The following CPA6 variants were observed in gnomAD, a reference collection of about 807,000 sequenced individuals.
The protein encoded by CPA6 is carboxypeptidase B.
A neutral mutation model predicts 63.3 loss-of-function variants in CPA6; 58 were observed. The ratio of observed to expected loss-of-function variants is 0.92; its 90% CI spans 0.74 to 1.14. CPA6 has a LOEUF of 1.14. CPA6 is among the 50% of genes most tolerant of loss of function. CPA6 has a pLI of 0.00. For missense variants in CPA6, 565 were observed against 526.6 expected, an observed-to-expected ratio of 1.07 and a Z score of -0.71; for synonymous variants, 185 against 179.0, an observed-to-expected ratio of 1.03 and a Z score of -0.27.
chr8:67,681,200 C>CTTTTTTTTTTTTTTTTTTT lies in CPA6; in HGVS notation c.117-56968_117-56950dup. Among the ~76,000 whole-genome samples the CTTTTTTTTTTTTTTTTTTT allele has an allele frequency of 2.7e-3, 245 of 89,870 alleles. 27 individuals are homozygous for CTTTTTTTTTTTTTTTTTTT. The highest frequency in any genetic ancestry group is 3.2e-3 in the Non-Finnish European group (157 of 48,912). The allele number at this position is 89,870 out of a possible 152,430, so 59.0% of individuals were successfully genotyped here. A position where few individuals can be genotyped will look rare whatever the true frequency, so the allele number is the denominator to read the frequency against. On this transcript the variant is annotated intron_variant, in intron 1 of 10. Transcript: ENST00000297770. ...CTCAACCCAAGGTCACAAAGATTTT[C>CTTTTTTTTTTTTTTTTTTT]TTTTTTTTTTTTTTTTTTTTGAGAC...
chr8:67,529,922 T>C (rs1812443498), intron 2 of CPA6, among the ~76,000 whole-genome samples: 1 of 152,062 alleles, frequency 6.6e-6, no homozygotes, highest in South Asian at 2.1e-4. Context: ...TCACCAGATA[T>C]TCCCTAAAAT....
At chr8:67,570,372 A>C (rs187669941) in intron 2 of CPA6, among the ~76,000 whole-genome samples, 66 of 152,332 alleles carry the variant, frequency 4.3e-4, no homozygotes, top group Non-Finnish European at 8.8e-5. Flanking sequence ...AAACATATGA[A>C]AGCACAAAAC....
At chr8:67,622,499 C>A (rs751102863) in intron 2 of CPA6, among the ~76,000 whole-genome samples, 1 of 152,142 alleles carries the variant, frequency 6.6e-6, no homozygotes, top group Non-Finnish European at 1.5e-5. Context: ...GTTCTTGCAT[C>A]CTCACCCTGG....
chr8:67,573,413 A>G (rs1414756668), intron 2 of CPA6, among the ~76,000 whole-genome samples: 1 of 152,232 alleles, frequency 6.6e-6, no homozygotes, highest in African/African-American at 2.4e-5. Flanking sequence ...TGATATACAA[A>G]TTCAGTAAAG....
At position 67,632,148 on chromosome 8, in the gene CPA6, CTGTGTGTGTGTG is replaced by C. The variant is rs35463897; in HGVS notation, c.117-7909_117-7898del. 6.4e-4 allele frequency among the ~76,000 whole-genome samples: 95 copies of C among 147,782 alleles called. 1 individual carries two copies. The highest frequency in any genetic ancestry group is 3.5e-3 in the Middle Eastern group (1 of 288). On this transcript the variant is annotated intron_variant, in intron 1 of 10. Transcript: ENST00000297770. The stretch of plus-strand genomic sequence containing the variant: ...TTTTGTAAACCTTTAAAAAATGATG[CTGTGTGTGTGTG>C]TGTGTGTGTGTGTGTGTGTGTGTTT...
At chr8:67,458,427 A>T (rs1810727377) in intron 8 of CPA6, among the ~76,000 whole-genome samples, 1 of 152,298 alleles carries the variant, frequency 6.6e-6, no homozygotes, top group Admixed American at 6.5e-5. Context: ...TGAACTCCTC[A>T]GCTCAGGTGA....
intron 1 of CPA6, among the ~76,000 whole-genome samples, chr8:67,636,757 AT>A (rs528851072): frequency 7.3e-5 from 11 of 151,664 alleles, no homozygotes; most frequent in Non-Finnish European, 1.5e-4. Flanking sequence ...CTTAAAAAAA[AT>A]GTCATCCCCG....
chr8:67,582,603 G>A (rs1375974862), intron 2 of CPA6, among the ~76,000 whole-genome samples: 1 of 152,178 alleles, frequency 6.6e-6, no homozygotes, highest in Non-Finnish European at 1.5e-5. Flanking sequence ...CAAGAAGTGA[G>A]CTGAAGTTTC....
At chr8:67,725,095 G>C (rs1217107344) in intron 1 of CPA6, among the ~76,000 whole-genome samples, 2 of 152,214 alleles carry the variant, frequency 1.3e-5, no homozygotes, top group African/African-American at 4.8e-5. Flanking sequence ...ATTTTGTGTA[G>C]AGTGCTTAGC....
At chr8:67,596,385 C>T (rs1411571127) in intron 2 of CPA6, among the ~76,000 whole-genome samples, 2 of 152,190 alleles carry the variant, frequency 1.3e-5, no homozygotes. Context: ...ATTGCTTCTG[C>T]TGAGAAATTA....
chr8:67,601,270 A>C (rs1814491309), intron 2 of CPA6, among the ~76,000 whole-genome samples: 1 of 152,192 alleles, frequency 6.6e-6, no homozygotes, highest in Non-Finnish European at 1.5e-5. Flanking sequence ...ACAGCAACCC[A>C]CACATCCTTT....
chr8:67,735,630 T>C (rs778774024), intron 1 of CPA6: 13 of 151,738 alleles, frequency 8.6e-5, no homozygotes, highest in Non-Finnish European at 1.6e-4. Flanking sequence ...ATTTACAAAG[T>C]ACTGATCATC....
chr8:67,562,656 C>T (rs112425425), intron 2 of CPA6, among the ~76,000 whole-genome samples: 135 of 152,246 alleles, frequency 8.9e-4, no homozygotes, highest in African/African-American at 3.0e-3. Flanking sequence ...ACCGTAGAGT[C>T]CTCATGAATT....
intron 8 of CPA6, among the ~76,000 whole-genome samples, chr8:67,437,409 T>C (rs929164498): frequency 2.0e-5 from 3 of 149,518 alleles, no homozygotes; most frequent in African/African-American, 7.4e-5. Flanking sequence ...CAAAACAAAA[T>C]AAAACAAAAC....
At chr8:67,643,909 G>GA (rs996233217) in intron 1 of CPA6, among the ~76,000 whole-genome samples, 5 of 151,932 alleles carry the variant, frequency 3.3e-5, no homozygotes, top group Non-Finnish European at 7.4e-5. Context: ...AGATCACATA[G>GA]AAAAAAATAG....
intron 2 of CPA6, among the ~76,000 whole-genome samples, chr8:67,621,129 A>G (rs1383793331): frequency 6.6e-6 from 1 of 152,232 alleles, no homozygotes; most frequent in East Asian, 1.9e-4. Flanking sequence ...TTGTTGTCAC[A>G]AGTTGTTACT....
In CPA6 at chr8:67,422,837, GA is replaced by G. The variant is rs1809798409; in HGVS notation, c.1127-147del. The G allele has an allele frequency of 1.6e-5, 10 of 616,540 alleles. No homozygotes were observed. In the East Asian group the frequency reaches 2.8e-4, roughly 17 times the overall value. 38.2% of individuals were successfully genotyped at this position (616,540 alleles called of 1,614,324 possible). A position where few individuals can be genotyped will look rare whatever the true frequency, so the allele number is the denominator to read the frequency against. The stretch of plus-strand genomic sequence containing the variant: ...TGTTTCAATAAGAATGATTTAACAG[GA>G]GTTCCTTGGCATCTGGTGCATGGAA... On this transcript the variant is annotated intron_variant, in intron 10 of 10. Transcript: ENST00000297770.
chr8:67,692,740 A>C (rs1181865372), intron 1 of CPA6, among the ~76,000 whole-genome samples: 2 of 152,238 alleles, frequency 1.3e-5, no homozygotes, highest in Non-Finnish European at 2.9e-5. Context: ...ATTAGTGGGA[A>C]GTTAGTATTA....
chr8:67,711,840 T>C (rs1277276620), intron 1 of CPA6, among the ~76,000 whole-genome samples: 2 of 151,956 alleles, frequency 1.3e-5, no homozygotes, highest in African/African-American at 4.8e-5. Context: ...AGGCAGTAGT[T>C]GAAAGAAGAC....
Sources: gnomAD v4.1 joint callset for allele counts (sites outside exome capture counted in the v4.1 genomes callset) on GRCh38, gnomAD v4.1.1 for gene constraint, MANE v1.5 for transcripts, NCBI Gene and HGNC (gene_info 2026-07-23, HGNC 2026-07-21) for gene names.